The following BSN variants were observed in gnomAD, a reference collection of about 807,000 sequenced individuals.
The protein encoded by BSN is protein bassoon.
BSN carries 57 observed loss-of-function variants against 264.8 expected under a neutral mutation model. The observed-to-expected ratio is 0.22, with a 90% CI of 0.17 to 0.27. The LOEUF (loss-of-function observed/expected upper bound fraction) is 0.27. Among genes scored for constraint, BSN ranks in the 10% least tolerant of loss-of-function variants. The pLI is 1.00. For missense variants in BSN, 4,615 were observed against 5,232.5 expected, an observed-to-expected ratio of 0.88 and a Z score of 3.64; for synonymous variants, 2,059 against 2,137.3, an observed-to-expected ratio of 0.96 and a Z score of 1.01.
intron 1 of BSN, among the ~76,000 whole-genome samples, chr3:49,624,491 G>A: frequency 6.6e-6 from 1 of 151,744 alleles, no homozygotes; most frequent in East Asian, 1.9e-4. Context: ...TAGAGATGGG[G>A]TTTCACCATG....
chr3:49,662,595 CTCA>C (rs1464092591), intron 6 of BSN, 33 bp downstream of exon 6: 1 of 1,552,804 alleles, frequency 6.4e-7, no homozygotes, highest in East Asian at 2.3e-5. Flanking sequence ...TCTGCGGATA[CTCA>C]GCAGCTGGGG....
intron 1 of BSN, among the ~76,000 whole-genome samples, chr3:49,614,723 C>T (rs1352890): frequency 0.51 from 77,583 of 151,968 alleles, 21,136 homozygotes; most frequent in East Asian, 0.94. Flanking sequence ...ACTTCCCAGG[C>T]GGTCACTACC....
At chr3:49,649,676 A>G (rs927447658) in intron 3 of BSN, among the ~76,000 whole-genome samples, 2 of 152,180 alleles carry the variant, frequency 1.3e-5, no homozygotes, top group African/African-American at 4.8e-5. Flanking sequence ...GGGCTTCACC[A>G]TTGATACCTG....
At chr3:49,593,788 G>GTTTTTT (rs2051998608) in intron 1 of BSN, among the ~76,000 whole-genome samples, 1 of 137,470 alleles carries the variant, frequency 7.3e-6, no homozygotes, top group Admixed American at 7.3e-5. Flanking sequence ...TTTTTTTTTT[G>GTTTTTT]TTTTGTTTTG....
chr3:49,557,995 T>C (rs575969147), intron 1 of BSN, among the ~76,000 whole-genome samples: 13 of 152,368 alleles, frequency 8.5e-5, no homozygotes, highest in Admixed American at 4.6e-4. Context: ...AGTGCTTCCC[T>C]GTCCTTCAGC....
chr3:49,621,521 T>C (rs546412042), intron 1 of BSN, among the ~76,000 whole-genome samples: 4 of 151,802 alleles, frequency 2.6e-5, no homozygotes, highest in African/African-American at 9.7e-5. Context: ...AAGAAGGGAG[T>C]GATCACCCAG....
intron 1 of BSN, among the ~76,000 whole-genome samples, chr3:49,562,888 A>G (rs183220773): frequency 1.3e-5 from 2 of 152,282 alleles, no homozygotes; most frequent in East Asian, 3.9e-4. Context: ...CAATCCTGGC[A>G]TTGCCTAAAC....
intron 1 of BSN, among the ~76,000 whole-genome samples, chr3:49,606,165 C>CGT (rs1366775061): frequency 0.026 from 754 of 29,340 alleles, 101 homozygotes; most frequent in Non-Finnish European, 0.038. Flanking sequence ...ATTATATATA[C>CGT]ATATATTATA....
At chr3:49,597,536 G>T (rs191314475) in intron 1 of BSN, among the ~76,000 whole-genome samples, 1 of 151,716 alleles carries the variant, frequency 6.6e-6, no homozygotes, top group Non-Finnish European at 1.5e-5. Context: ...TCACTATGTT[G>T]CCCAGGCTGT....
intron 1 of BSN, among the ~76,000 whole-genome samples, chr3:49,560,307 G>T (rs2051702871): frequency 6.6e-6 from 1 of 152,180 alleles, no homozygotes; most frequent in Non-Finnish European, 1.5e-5. Context: ...TGGGCCATGT[G>T]CAGTAAGTTG....
At chr3:49,601,654 A>G (rs1432946484) in intron 1 of BSN, among the ~76,000 whole-genome samples, 1 of 152,176 alleles carries the variant, frequency 6.6e-6, no homozygotes, top group African/African-American at 2.4e-5. Flanking sequence ...AAGCTGCTCC[A>G]TGGTGTCGCT....
intron 1 of BSN, among the ~76,000 whole-genome samples, chr3:49,565,619 C>G (rs1181241650): frequency 2.0e-5 from 3 of 152,090 alleles, no homozygotes; most frequent in African/African-American, 4.8e-5. Flanking sequence ...CGCGCCCGGC[C>G]AGGATTTTCA....
At position 49,651,260 on chromosome 3, in the gene BSN, G is replaced by C; in HGVS notation, c.1986+181G>C. 1.5e-6 allele frequency: 1 copy of C among 669,678 alleles called. No individual in the cohort carries two copies. Among genetic ancestry groups the C allele is most frequent in the Non-Finnish European group, 2.4e-6 (1 of 408,812 alleles). The allele number at this position is 669,678 out of a possible 1,614,324, so 41.5% of individuals were successfully genotyped here. A position where few individuals can be genotyped will look rare whatever the true frequency, so the allele number is the denominator to read the frequency against. On this transcript the variant is annotated intron_variant, in intron 4 of 11. Coordinates refer to ENST00000296452, the MANE Select transcript of BSN (RefSeq NM_003458.4). The surrounding 1 kb of genome is among the most constrained non-coding windows in gnomAD (Gnocchi z 5.4). ...GTTCTGGCACGCTTGGAGACTGTGG[G>C]TTTTACACTGGTGCTGTGTCTGGCA...
intron 11 of BSN, among the ~76,000 whole-genome samples, chr3:49,667,344 A>T (rs1030777525): frequency 6.6e-6 from 1 of 150,838 alleles, no homozygotes; most frequent in African/African-American, 2.4e-5. Flanking sequence ...TTGTTACATT[A>T]AAAGAAGTGT....
chr3:49,558,359 C>G (rs1477966564), intron 1 of BSN, among the ~76,000 whole-genome samples: 2 of 152,246 alleles, frequency 1.3e-5, no homozygotes. Context: ...AATGCGTAAT[C>G]AATGCCAAAG....
intron 1 of BSN, among the ~76,000 whole-genome samples, chr3:49,597,369 G>A (rs887012949): frequency 5.9e-5 from 9 of 152,050 alleles, no homozygotes; most frequent in African/African-American, 2.2e-4. Flanking sequence ...CTGGGCTAGA[G>A]TGAAGTGACA....
At position 49,655,468 on chromosome 3, in the gene BSN, C is replaced by T; in HGVS notation, c.5912C>T (p.Pro1971Leu). ...CCTGGGCCCCATGAGGAGCAGAGGC[C>T]CTACCCACAAGGCCTGCCTGGTAGG... is the stretch of plus-strand genomic sequence containing the variant. ...VGPGPHEEQR[P>L]YPQGLPGRLY... Residue 1971 changes from proline (P) to leucine (L), a missense_variant, in exon 5 of 12, where the codon CCC (proline) becomes CTC (leucine). Physicochemically the swap from Pro to Leu is moderately conservative, Grantham distance 98 (BLOSUM62 -3). Coordinates refer to ENST00000296452, the MANE Select transcript of BSN (RefSeq NM_003458.4). The T allele has an allele frequency of 6.3e-7, 1 of 1,583,828 alleles. No homozygotes were observed. Among genetic ancestry groups the T allele is most frequent in the Non-Finnish European group, 8.6e-7 (1 of 1,163,154 alleles).
rs562990930 is a variant in BSN, at chr3:49,664,666, C to T, written c.11740+112C>T. 6,242 of 1,536,772 alleles carry T rather than the reference C, an allele frequency of 4.1e-3. 21 individuals are homozygous for T. Among genetic ancestry groups the T allele is most frequent in the Non-Finnish European group, 4.8e-3 (5,436 of 1,132,968 alleles). ...GGCAGAGGCCAGCCAGAGAGCCCAC[C>T]TGCTGATGCCCAGTTGTTCTCCGGG... On this transcript the variant is annotated intron_variant, in intron 9 of 11. Transcript: ENST00000296452.
chr3:49,657,754 A>C lies in BSN; in HGVS notation c.8198A>C (p.Gln2733Pro). 1.3e-6 allele frequency: 2 copies of C among 1,549,262 alleles called. No individual in the cohort carries two copies. The highest frequency in any genetic ancestry group is 1.7e-6 in the Non-Finnish European group (2 of 1,146,024). ...DGQAQGVAGP[Q>P]LVGPTAISPY... Reference sequence around the variant, plus strand: ...CAGGCCCAGGGTGTAGCCGGGCCGCAGCTTGTAGGGCCAACTGCCATCAGC... The same window carrying C: ...CAGGCCCAGGGTGTAGCCGGGCCGCCGCTTGTAGGGCCAACTGCCATCAGC... Residue 2733 changes from glutamine (Q) to proline (P), a missense_variant, in exon 5 of 12, where the codon CAG becomes CCG. By Grantham distance (76) the Gln-to-Pro change is moderately conservative (BLOSUM62 -1). Around this residue, in one of 3 missense-constraint regions of BSN, gnomAD observed 3,415 missense variants for 3,866.4 expected, o/e 0.88. Coordinates refer to ENST00000296452, the MANE Select transcript of BSN (RefSeq NM_003458.4).
Sources: gnomAD v4.1 joint callset for allele counts (sites outside exome capture counted in the v4.1 genomes callset) on GRCh38, gnomAD v4.1.1 for gene constraint, gnomAD v4.1.1 regional missense constraint, Gnocchi (gnomAD v3.1) non-coding constraint, MANE v1.5 for transcripts, NCBI Gene and HGNC (gene_info 2026-07-23, HGNC 2026-07-21) for gene names.